MGST1: variants seen among roughly 807,000 people sequenced by gnomAD.
The protein encoded by MGST1 is glutathione S-transferase 12.
A neutral mutation model predicts 8.9 loss-of-function variants in MGST1; 5 were observed. The observed-to-expected ratio is 0.56, with a 90% CI of 0.29 to 1.19. MGST1 has a LOEUF of 1.19. Ranked by LOEUF, MGST1 falls within the 50% of genes most tolerant of loss-of-function variation. The probability of loss-of-function intolerance (pLI) is 0.08; values close to 1 mark genes in which losing one functional copy is unlikely to be tolerated. For missense variants in MGST1, 182 were observed against 187.4 expected, an observed-to-expected ratio of 0.97 and a Z score of 0.17; for synonymous variants, 54 against 67.8, an observed-to-expected ratio of 0.80 and a Z score of 1.00.
intron 2 of MGST1, among the ~76,000 whole-genome samples, chr12:16,355,654 C>A (rs1367601206): frequency 6.6e-6 from 1 of 152,178 alleles, no homozygotes; most frequent in African/African-American, 2.4e-5. Context: ...AGGAAATGTA[C>A]CCTGTCTTAA....
chr12:16,484,226 T>C (rs187212428), intron 4 of MGST1, among the ~76,000 whole-genome samples: 5 of 152,304 alleles, frequency 3.3e-5, no homozygotes, highest in Admixed American at 1.3e-4. Context: ...GCAGCTGTTT[T>C]GTTGGTGTGA....
chr12:16,444,479 G>T (rs1182839582), intron 4 of MGST1, among the ~76,000 whole-genome samples: 1 of 151,768 alleles, frequency 6.6e-6, no homozygotes, highest in Non-Finnish European at 1.5e-5. Flanking sequence ...AAAAGCTTCA[G>T]CTATTGGGAA....
Position 16,576,330 on chromosome 12 carries a change from C to T in MGST1, n.483-13198C>T, listed in dbSNP as rs1214182323. ...CTATCCCATCACTGAGCCTCAGCCC[C>T]AATGTGCTGTCTACTCCCTGGACTC... On this transcript the variant is annotated intron_variant and non_coding_transcript_variant, in intron 4 of 4. Coordinates refer to the MGST1 transcript ENST00000538857. The surrounding 1 kb of genome is among the most constrained non-coding windows in gnomAD (Gnocchi z 4.1). Among the ~76,000 whole-genome samples, 4 of 152,170 alleles carry T rather than the reference C, an allele frequency of 2.6e-5. No homozygotes were observed. The highest frequency in any genetic ancestry group is 3.9e-4 in the East Asian group (2 of 5,182).
At chr12:16,455,560 T>C (rs575215090) in intron 4 of MGST1, among the ~76,000 whole-genome samples, 1 of 151,482 alleles carries the variant, frequency 6.6e-6, no homozygotes, top group Non-Finnish European at 1.5e-5. Context: ...CACAGGGGAG[T>C]CTTCAGAGGA....
rs1941194257 is a variant in MGST1 at position 16,458,452 on chromosome 12, C to T, written n.482+74848C>T. Among the ~76,000 whole-genome samples the T allele has an allele frequency of 6.6e-6, 1 of 151,982 alleles. No individual in the cohort carries two copies. The highest frequency in any genetic ancestry group is 2.1e-4 in the South Asian group (1 of 4,832). ...GTACTCTGAAGCCCTTGCTGGATTC[C>T]TGCAAGAATCAATAAGCAGTCAGTC... is the stretch of plus-strand genomic sequence containing the variant. On this transcript the variant is annotated intron_variant and non_coding_transcript_variant, in intron 4 of 4. Transcript: ENST00000538857. The surrounding 1 kb of genome is among the most constrained non-coding windows in gnomAD (Gnocchi z 4.0).
At chr12:16,473,716 C>T (rs181787288) in intron 4 of MGST1, among the ~76,000 whole-genome samples, 1 of 152,048 alleles carries the variant, frequency 6.6e-6, no homozygotes, top group East Asian at 1.9e-4. Flanking sequence ...ATGCTATTTG[C>T]AAATCAGTCT....
At chr12:16,439,989 C>T (rs1565455168), downstream of MGST1, among the ~76,000 whole-genome samples, 2 of 151,790 alleles carry the variant, frequency 1.3e-5, no homozygotes, top group Admixed American at 6.6e-5. Flanking sequence ...TAGTTGTTCT[C>T]ATCCTGGATA....
At chr12:16,420,656 G>A (rs954855392) in intron 1 of MGST1, among the ~76,000 whole-genome samples, 2 of 152,134 alleles carry the variant, frequency 1.3e-5, no homozygotes, top group African/African-American at 2.4e-5. Context: ...ATCCTTCAGA[G>A]CTAGACCTTT....
At chr12:16,354,136 A>C in intron 1 of MGST1, 95 bp from the exon 2 acceptor site, 1 of 884,340 alleles carries the variant, frequency 1.1e-6, no homozygotes. Context: ...TAAGAACAGT[A>C]TAATTAATGC....
chr12:16,505,486 T>C (rs987934079), intron 4 of MGST1, among the ~76,000 whole-genome samples: 3 of 152,174 alleles, frequency 2.0e-5, no homozygotes, highest in South Asian at 2.1e-4. Flanking sequence ...CTTTCAACTA[T>C]TGGCATCACT....
At chr12:16,431,897 T>C (rs2137093949) in intron 1 of MGST1, among the ~76,000 whole-genome samples, 1 of 152,252 alleles carries the variant, frequency 6.6e-6, no homozygotes, top group African/African-American at 2.4e-5. Context: ...ATAAAACAGG[T>C]ATACATGTAT....
At chr12:16,427,912 C>A (rs369705235) in intron 1 of MGST1, among the ~76,000 whole-genome samples, 1 of 151,756 alleles carries the variant, frequency 6.6e-6, no homozygotes, top group Non-Finnish European at 1.5e-5. Context: ...TTTATTACTT[C>A]TTTTTGGTTT....
intron 1 of MGST1, among the ~76,000 whole-genome samples, chr12:16,398,812 A>T (rs1940627601): frequency 6.6e-6 from 1 of 152,326 alleles, no homozygotes; most frequent in South Asian, 2.1e-4. Context: ...AGTATTGCAA[A>T]GATAAAACTT....
intron 4 of MGST1, among the ~76,000 whole-genome samples, chr12:16,570,770 C>T (rs75590903): frequency 0.038 from 5,766 of 152,230 alleles, 193 homozygotes; most frequent in African/African-American, 0.09. Flanking sequence ...TTAGTGACAA[C>T]AGTCACCTGA....
chr12:16,553,193 G>T (rs892326706), intron 4 of MGST1, among the ~76,000 whole-genome samples: 5 of 152,008 alleles, frequency 3.3e-5, no homozygotes, highest in African/African-American at 1.2e-4. Context: ...TTTTACAGAA[G>T]AAAAACCTAA....
chr12:16,541,529 C>T (rs528643526), intron 4 of MGST1, among the ~76,000 whole-genome samples: 1 of 152,272 alleles, frequency 6.6e-6, no homozygotes, highest in African/African-American at 2.4e-5. Flanking sequence ...ACTAAGCCTT[C>T]CCCACTAACC....
chr12:16,372,575 G>C (rs1407587637), intron 3 of MGST1, among the ~76,000 whole-genome samples: 1 of 152,164 alleles, frequency 6.6e-6, no homozygotes, highest in African/African-American at 2.4e-5. Context: ...TACACTGTTG[G>C]TGGGGATGTA....
intron 3 of MGST1, among the ~76,000 whole-genome samples, chr12:16,359,262 A>G (rs1318784981): frequency 2.0e-5 from 3 of 152,150 alleles, no homozygotes; most frequent in African/African-American, 7.2e-5. Flanking sequence ...GTGTTACACC[A>G]TTTTTGAGGC....
Position 16,482,730 on chromosome 12 carries a change from G to A in MGST1, n.482+99126G>A, listed in dbSNP as rs1241021997. On this transcript the variant is annotated intron_variant and non_coding_transcript_variant, in intron 4 of 4. Transcript: ENST00000538857. The surrounding 1 kb of genome is among the most constrained non-coding windows in gnomAD (Gnocchi z 4.2). ...CTAGAGACAGGTATGTTCTGGAGAA[G>A]GGAAAAGATAATGGCTGAGATACGC... 6.6e-6 allele frequency among the ~76,000 whole-genome samples: 1 copy of A among 152,078 alleles called. No individual in the cohort carries two copies. Among genetic ancestry groups the A allele is most frequent in the Non-Finnish European group, 1.5e-5 (1 of 68,024 alleles).
Sources: allele counts gnomAD v4.1 joint callset (sites outside exome capture counted in the v4.1 genomes callset), GRCh38; gene constraint gnomAD v4.1.1; non-coding constraint Gnocchi (gnomAD v3.1); transcripts MANE v1.5; gene names NCBI Gene and HGNC (gene_info 2026-07-23, HGNC 2026-07-21).